The following AGBL1 variants were observed in gnomAD, a reference collection of about 807,000 sequenced individuals.
AGBL1 encodes the protein AGBL carboxypeptidase 1, also known as cytosolic carboxypeptidase 4.
Under a neutral mutation model 118.9 loss-of-function variants are expected in AGBL1, and 130 were observed. The ratio of observed to expected loss-of-function variants is 1.09; its 90% confidence interval spans 0.95 to 1.26. The LOEUF is 1.26. Ranked by LOEUF, AGBL1 falls within the 50% of genes most tolerant of loss-of-function variation. The pLI is 0.00. For synonymous variants in AGBL1, 555 were observed against 478.9 expected, an observed-to-expected ratio of 1.16 and a Z score of -2.08; for missense variants, 1,584 against 1,298.1, an observed-to-expected ratio of 1.22 and a Z score of -3.38.
intron 22 of AGBL1, among the ~76,000 whole-genome samples, chr15:86,866,669 C>T (rs1448977660): frequency 7.2e-5 from 11 of 152,164 alleles, no homozygotes; most frequent in African/African-American, 2.4e-4. Flanking sequence ...GCCTGGCCAA[C>T]ATGGTAAAAC....
At chr15:86,310,466 G>C (rs1303794351) in intron 17 of AGBL1, among the ~76,000 whole-genome samples, 2 of 152,164 alleles carry the variant, frequency 1.3e-5, no homozygotes, top group African/African-American at 2.4e-5. Context: ...GCTAGTTCCA[G>C]GGTCAGCAGG....
In AGBL1 at chr15:86,674,336, A is replaced by G. The variant is rs2085798711; in HGVS notation, c.3058A>G (p.Ile1020Val). The G allele has an allele frequency of 1.2e-6, 2 of 1,612,240 alleles. No individual in the cohort carries two copies. Among genetic ancestry groups the G allele is most frequent in the Admixed American group, 3.3e-5 (2 of 59,812 alleles). ...MGAMFCLGLL[I>V]LELKSASCSH... is the part of the protein sequence containing the mutation. ...AGCCATGTTCTGTTTGGGCCTCCTC[A>G]TCCTGGAGCTCAAATCTGCCAGCTG... The change falls in exon 22 of 23, where the codon ATC becomes GTC. Residue 1020 changes from isoleucine to valine, a missense_variant. Ile to Val is a conservative substitution (Grantham distance 29). Transcript: ENST00000614907.
At chr15:86,939,813 C>G (rs2080724540) in intron 23 of AGBL1, 1 of 152,102 alleles carries the variant, frequency 6.6e-6, no homozygotes, top group Non-Finnish European at 1.5e-5. Context: ...GAAAGTCAGC[C>G]AAATGCACCA....
At chr15:87,026,076 C>A (rs556265897) in intron 24 of AGBL1, among the ~76,000 whole-genome samples, 60 of 151,956 alleles carry the variant, frequency 3.9e-4, no homozygotes, top group African/African-American at 1.3e-3. Flanking sequence ...TAGGAAAAAC[C>A]CTTATAGACA....
chr15:86,241,663 T>G (rs1298248257), intron 6 of AGBL1, among the ~76,000 whole-genome samples: 1 of 152,192 alleles, frequency 6.6e-6, no homozygotes, highest in Non-Finnish European at 1.5e-5. Context: ...TAAAAGGTCC[T>G]TAATCTCATT....
chr15:86,935,605 T>C (rs906192057), intron 23 of AGBL1, among the ~76,000 whole-genome samples: 7 of 152,204 alleles, frequency 4.6e-5, no homozygotes, highest in Admixed American at 6.5e-5. Flanking sequence ...CAGTCTCTAA[T>C]TGGAACTTAT....
chr15:86,856,848 C>G (rs774754290), intron 22 of AGBL1, among the ~76,000 whole-genome samples: 7 of 152,244 alleles, frequency 4.6e-5, no homozygotes, highest in Non-Finnish European at 1.0e-4. Context: ...CATCACTGTA[C>G]TATGCTGACT....
chr15:86,853,001 T>G (rs561437166), intron 22 of AGBL1, among the ~76,000 whole-genome samples: 1 of 152,224 alleles, frequency 6.6e-6, no homozygotes, highest in African/African-American at 2.4e-5. Flanking sequence ...GCCAATGAGT[T>G]TTTGTTCTTC....
intron 22 of AGBL1, among the ~76,000 whole-genome samples, chr15:86,860,737 T>TGTGC (rs1398359133): frequency 1.3e-5 from 2 of 152,158 alleles, no homozygotes; most frequent in South Asian, 2.1e-4. Context: ...TGTGTGTGTG[T>TGTGC]GTGCCTATGA....
At chr15:86,204,112 G>A (rs974594704) in intron 5 of AGBL1, among the ~76,000 whole-genome samples, 18 of 152,168 alleles carry the variant, frequency 1.2e-4, no homozygotes, top group African/African-American at 4.3e-4. Flanking sequence ...CAGGTGGACT[G>A]TACCTGTGGC....
intron 19 of AGBL1, among the ~76,000 whole-genome samples, chr15:86,545,639 T>A (rs1031593794): frequency 6.6e-6 from 1 of 152,146 alleles, no homozygotes; most frequent in Non-Finnish European, 1.5e-5. Context: ...AAAATACTCA[T>A]AGATATCTTA....
intron 22 of AGBL1, among the ~76,000 whole-genome samples, chr15:86,755,996 CT>C (rs1167201278): frequency 1.3e-5 from 2 of 152,092 alleles, no homozygotes; most frequent in Admixed American, 1.3e-4. Flanking sequence ...TTTCCCCATG[CT>C]GTTTAGCCAA....
chr15:86,411,263 G>C (rs565273491), intron 18 of AGBL1, among the ~76,000 whole-genome samples: 1 of 149,806 alleles, frequency 6.7e-6, no homozygotes, highest in Non-Finnish European at 1.5e-5. Flanking sequence ...TTCCCCAGCC[G>C]GGGGACTGCC....
intron 22 of AGBL1, among the ~76,000 whole-genome samples, chr15:86,743,377 A>G (rs1479400558): frequency 2.6e-5 from 4 of 152,018 alleles, no homozygotes; most frequent in Non-Finnish European, 5.9e-5. Flanking sequence ...GGTTCTGGGG[A>G]ACATCTTTCA....
rs755833533 is a variant in AGBL1, at chr15:86,267,097, T to C, written c.1838+21T>C. On this transcript the variant is annotated intron_variant, in intron 13 of 22. Transcript: ENST00000614907. Reference sequence around the variant, plus strand: ...CGTGAGTAAGTAAGGAAAACCACAGTGGGTGTCTCCTGTCAGTTCGTAAGA... The same window carrying C: ...CGTGAGTAAGTAAGGAAAACCACAGCGGGTGTCTCCTGTCAGTTCGTAAGA... The C allele has an allele frequency of 7.8e-6, 12 of 1,535,400 alleles. No homozygotes were observed. The South Asian group carries it at 1.4e-4, about 18-fold the overall frequency.
intron 1 of AGBL1, among the ~76,000 whole-genome samples, chr15:86,102,330 C>T (rs558801596): frequency 3.1e-4 from 47 of 152,246 alleles, no homozygotes; most frequent in African/African-American, 9.6e-4. Flanking sequence ...CATGAGTCAC[C>T]GTACCAGGGC....
At chr15:86,376,681 C>G (rs117602369) in intron 17 of AGBL1, among the ~76,000 whole-genome samples, 14 of 152,304 alleles carry the variant, frequency 9.2e-5, no homozygotes, top group African/African-American at 3.1e-4. Flanking sequence ...TGGGCTAATA[C>G]CTTTAGTCTC....
chr15:86,475,959 A>G (rs2082552931), intron 18 of AGBL1, among the ~76,000 whole-genome samples: 1 of 152,212 alleles, frequency 6.6e-6, no homozygotes, highest in Non-Finnish European at 1.5e-5. Flanking sequence ...CCAGAATTTC[A>G]TATCCAGCCA....
intron 21 of AGBL1, among the ~76,000 whole-genome samples, chr15:86,577,970 G>T (rs1165517765): frequency 1.3e-5 from 2 of 152,200 alleles, no homozygotes; most frequent in East Asian, 1.9e-4. Flanking sequence ...GAAATGTTGG[G>T]TTGGAACCCC....
Sources: gnomAD v4.1 joint callset for allele counts (sites outside exome capture counted in the v4.1 genomes callset) on GRCh38, gnomAD v4.1.1 for gene constraint, MANE v1.5 for transcripts, NCBI Gene and HGNC (gene_info 2026-07-23, HGNC 2026-07-21) for gene names.